Variants in HSPA4 observed in about 807,000 individuals in gnomAD.
HSPA4 encodes heat shock protein family A (Hsp70) member 4.
Under a neutral mutation model 106.2 loss-of-function variants are expected in HSPA4, and 25 were observed. The observed-to-expected ratio is 0.24, with a 90% CI of 0.17 to 0.33. HSPA4 has a LOEUF of 0.33. Ranked by LOEUF, HSPA4 falls within the 10% of genes least tolerant of loss-of-function variation. The pLI is 1.00. For missense variants in HSPA4, 841 were observed against 996.0 expected, an observed-to-expected ratio of 0.84 and a Z score of 2.10; for synonymous variants, 332 against 333.6, an observed-to-expected ratio of 1.00 and a Z score of 0.05.
intron 16 of HSPA4, among the ~76,000 whole-genome samples, chr5:133,101,236 A>C (rs1201236008): frequency 1.3e-5 from 2 of 152,166 alleles, no homozygotes; most frequent in Non-Finnish European, 2.9e-5. Context: ...CTGTGTCTAT[A>C]GTTCTTCTTC....
intron 7 of HSPA4, among the ~76,000 whole-genome samples, chr5:133,077,417 T>C (rs948723889): frequency 6.6e-6 from 1 of 152,190 alleles, no homozygotes; most frequent in Admixed American, 6.5e-5. Context: ...TTTGTATTTT[T>C]AGTAGGGACG....
intron 7 of HSPA4, among the ~76,000 whole-genome samples, chr5:133,084,702 T>A (rs111583408): frequency 1.1e-4 from 17 of 152,258 alleles, no homozygotes; most frequent in African/African-American, 4.1e-4. Context: ...ACTCCCGACT[T>A]GAGGTGATCC....
At chr5:133,071,284 C>CA (rs755520266) in intron 4 of HSPA4, among the ~76,000 whole-genome samples, 3,835 of 61,976 alleles carry the variant, frequency 0.062, 152 homozygotes, top group Non-Finnish European at 0.081. Context: ...CTGTCTTTAC[C>CA]AAAAAAAAAA....
rs777571703 is a variant in HSPA4 at position 133,103,822 on chromosome 5, G to T, written c.2158-43G>T. On this transcript the variant is annotated intron_variant, in intron 17 of 18. Coordinates refer to ENST00000304858, the MANE Select transcript of HSPA4 (RefSeq NM_002154.4). ...TAGACAGTAGTTGCGGGGAGGGAGG[G>T]TATCACACTTTTAGCACTTGTTTGA... 3.2e-6 allele frequency: 5 copies of T among 1,544,986 alleles called. No individual in the cohort carries two copies. In the South Asian group the frequency reaches 3.5e-5, roughly 11 times the overall value.
At position 133,062,397 on chromosome 5, in the gene HSPA4, C is replaced by A. The variant is rs114986610; in HGVS notation, c.108-2583C>A. Among the ~76,000 whole-genome samples, 931 of 152,084 alleles carry A rather than the reference C, an allele frequency of 6.1e-3. 12 individuals carry two copies. The highest frequency in any genetic ancestry group is 0.021 in the African/African-American group (884 of 41,476). ...GTGATTGGGGTCATGGTGGGATATA[C>A]CTTAGAAATTTAGATCTGGTGGTAT... On this transcript the variant is annotated intron_variant, in intron 1 of 18. Transcript: ENST00000304858.
At chr5:133,073,028 A>G (rs1765404112) in intron 4 of HSPA4, among the ~76,000 whole-genome samples, 1 of 152,172 alleles carries the variant, frequency 6.6e-6, no homozygotes, top group South Asian at 2.1e-4. Flanking sequence ...CTGCCATGTA[A>G]TGAGTATATG....
rs1375403154 is a variant in HSPA4, at chr5:133,087,640, TGA to T, written c.986-761_986-760del. ...TATTTTTTATTTTATTTTTATTTTT[TGA>T]GATGGGAGTCTTGCTCTGTCACCCA... On this transcript the variant is annotated intron_variant, in intron 8 of 18. Transcript: ENST00000304858. Among the ~76,000 whole-genome samples, 16 of 152,360 alleles carry T rather than the reference TGA, an allele frequency of 1.1e-4. 1 individual carries two copies. In the South Asian group the frequency reaches 3.3e-3, roughly 32 times the overall value.
In HSPA4 at chr5:133,103,991, G is replaced by C; in HGVS notation, c.2284G>C (p.Val762Leu). The C allele has an allele frequency of 6.2e-7, 1 of 1,613,600 alleles. No homozygotes were observed. The highest frequency in any genetic ancestry group is 8.5e-7 in the Non-Finnish European group (1 of 1,179,896). ...QNKQSLTMDP[V>L]VKSKEIEAKI... ...CAAGCAGAGTTTGACCATGGATCCA[G>C]TTGTCAAGTCAAAAGAGATTGAAGC... The change falls in exon 18 of 19, where the codon GTT becomes CTT. Residue 762 changes from valine (V) to leucine (L), a missense_variant. Around this residue, in one of 5 missense-constraint regions of HSPA4, gnomAD observed 328 missense variants for 372.2 expected, o/e 0.88. Transcript: ENST00000304858.
intron 1 of HSPA4, among the ~76,000 whole-genome samples, chr5:133,061,227 A>T (rs1312110796): frequency 6.7e-6 from 1 of 149,422 alleles, no homozygotes; most frequent in African/African-American, 2.5e-5. Flanking sequence ...GGTTCACGCC[A>T]TTCTCCTGCC....
Position 133,096,270 on chromosome 5 carries a change from T to C in HSPA4, c.1803+20T>C, listed in dbSNP as rs1340607638. 6.2e-7 allele frequency: 1 copy of C among 1,604,026 alleles called. No individual in the cohort carries two copies. Among genetic ancestry groups the C allele is most frequent in the Non-Finnish European group, 8.5e-7 (1 of 1,172,606 alleles). ...AATGAGGTTGTTATTTAAAGTCTAT[T>C]GGAACAATGAGCTAACAAATTAATG... On this transcript the variant is annotated intron_variant, in intron 14 of 18. Transcript: ENST00000304858.
chr5:133,067,417 G>A lies in HSPA4; in HGVS notation c.166G>A (p.Val56Ile), dbSNP rs180846067. The change falls in exon 3 of 19, where the codon GTA (valine) becomes ATA (isoleucine). Residue 56 changes from valine (V) to isoleucine (I), a missense_variant and splice_region_variant. By Grantham distance (29) the Val-to-Ile change is conservative (BLOSUM62 3). Coordinates refer to ENST00000304858, the MANE Select transcript of HSPA4 (RefSeq NM_002154.4). ...CACTCTTTGATATTCTTTCTCTTAGGTAATTTCTAATGCAAAGAACACAGT... is the reference window on the plus strand; with the variant it reads ...CACTCTTTGATATTCTTTCTCTTAGATAATTTCTAATGCAAAGAACACAGT... ...RSIGAAAKSQ[V>I]ISNAKNTVQG... 65 of 1,606,598 alleles carry A rather than the reference G, an allele frequency of 4.0e-5. No homozygotes were observed. The East Asian group carries it at 1.2e-3, about 30-fold the overall frequency.
chr5:133,080,332 C>G lies in HSPA4; in HGVS notation c.908+3434C>G, dbSNP rs1243676198. 6.9e-5 allele frequency among the ~76,000 whole-genome samples: 10 copies of G among 145,968 alleles called. No homozygotes were observed. The Admixed American group carries it at 7.1e-4, about 10-fold the overall frequency. ...CGGGAGGCGGAGGTGGGAGGATCAC[C>G]TGAGCTTAGTAAGTCGAGGCTGCAG... On this transcript the variant is annotated intron_variant, in intron 7 of 18. Coordinates refer to ENST00000304858, the MANE Select transcript of HSPA4 (RefSeq NM_002154.4).
chr5:133,092,857 G>GT (rs1242265758), intron 13 of HSPA4, 68 bp downstream of exon 13: 2 of 880,530 alleles, frequency 2.3e-6, no homozygotes, highest in Admixed American at 6.7e-5. Context: ...GTTTCAGTCT[G>GT]TTGCCCAGGC....
rs1561589209 is a variant in HSPA4, at chr5:133,106,142, G to GTC, written c.*1707_*1708insCT. The GTC allele has an allele frequency of 4.1e-5, 1 of 24,128 alleles. No homozygotes were observed. The highest frequency in any genetic ancestry group is 2.5e-4 in the African/African-American group (1 of 3,988). The allele number at this position is 24,128 out of a possible 1,614,324, so 1.5% of individuals were successfully genotyped here. ...TTTTTTTTTTTTTTTTTTTTTTTTG[G>GTC]TGTGTGTGTGTGTGTGTGTGGGGAA... On this transcript the variant is annotated 3_prime_UTR_variant, in exon 19 of 19. Coordinates refer to ENST00000304858, the MANE Select transcript of HSPA4 (RefSeq NM_002154.4).
intron 3 of HSPA4, among the ~76,000 whole-genome samples, chr5:133,069,621 G>T (rs545833827): frequency 6.6e-6 from 1 of 152,310 alleles, no homozygotes; most frequent in South Asian, 2.1e-4. Context: ...AGCTATGGCA[G>T]TGAACAATCA....
In HSPA4 at chr5:133,105,186, A is replaced by G. The variant is rs1177850764; in HGVS notation, c.*750A>G. The G allele has an allele frequency of 6.6e-6, 1 of 152,214 alleles. No homozygotes were observed. The highest frequency in any genetic ancestry group is 2.4e-5 in the African/African-American group (1 of 41,466). The allele number at this position is 152,214 out of a possible 1,614,324, so 9.4% of individuals were successfully genotyped here. On this transcript the variant is annotated 3_prime_UTR_variant, in exon 19 of 19. Transcript: ENST00000304858. ...TAGAATTGGGTAGATATACTGTTGG[A>G]TATAGCCATGGTAAATTTAACTGAG... is the stretch of plus-strand genomic sequence containing the variant.
chr5:133,099,734 A>C, intron 16 of HSPA4, 82 bp downstream of exon 16: 12 of 613,314 alleles, frequency 2.0e-5, no homozygotes, highest in Non-Finnish European at 3.6e-5. Context: ...AGGAATTCTC[A>C]AGTAAAGACA....
At chr5:133,092,920 A>T in intron 13 of HSPA4, 131 bp downstream of exon 13, 1 of 578,942 alleles carries the variant, frequency 1.7e-6, no homozygotes. Context: ...TCCTGGGTTC[A>T]AGTGATTCTC....
chr5:133,059,281 C>T (rs955242919), intron 1 of HSPA4, among the ~76,000 whole-genome samples: 1 of 151,454 alleles, frequency 6.6e-6, no homozygotes, highest in Non-Finnish European at 1.5e-5. Flanking sequence ...AACCCTGTCT[C>T]TACTAAAAAT....
Sources: gnomAD v4.1 joint callset for allele counts (sites outside exome capture counted in the v4.1 genomes callset) on GRCh38, gnomAD v4.1.1 for gene constraint, gnomAD v4.1.1 regional missense constraint, MANE v1.5 for transcripts, NCBI Gene and HGNC (gene_info 2026-07-23, HGNC 2026-07-21) for gene names.